RANBP9: variants seen among roughly 807,000 people sequenced by gnomAD.
RANBP9 encodes RAN binding protein 9, also known as ran-binding protein 9.
In RANBP9, 15 loss-of-function variants were observed where a neutral mutation model predicts 84.3. That is an observed-to-expected ratio of 0.18 (90% confidence interval 0.12 to 0.27). The LOEUF (loss-of-function observed/expected upper bound fraction) is 0.27, where lower values mean the gene tolerates loss of function less well. Among genes scored for constraint, RANBP9 ranks in the 10% least tolerant of loss-of-function variants. RANBP9 has a pLI of 1.00. For missense variants in RANBP9, 809 were observed against 912.8 expected (o/e 0.89, Z 1.46); for synonymous variants, 392 against 349.6 (o/e 1.12, Z -1.35).
chr6:13,679,056 T>TAA (rs540561401), intron 2 of RANBP9, among the ~76,000 whole-genome samples: 1 of 150,412 alleles, frequency 6.6e-6, no homozygotes, highest in Non-Finnish European at 1.5e-5. Context: ...CTGCTGTGAT[T>TAA]AAAAAAAAAA....
At chr6:13,703,463 C>T (rs1019480314) in intron 1 of RANBP9, among the ~76,000 whole-genome samples, 2 of 152,200 alleles carry the variant, frequency 1.3e-5, no homozygotes, top group African/African-American at 2.4e-5. Flanking sequence ...ATTGCCCCTA[C>T]CGAAAGAAGT....
Position 13,675,744 on chromosome 6 carries a change from A to AC in RANBP9, c.684-16913_684-16912insG, listed in dbSNP as rs1036185975. 8.1e-4 allele frequency among the ~76,000 whole-genome samples: 123 copies of AC among 151,910 alleles called. No individual in the cohort carries two copies. In the Middle Eastern group the frequency reaches 0.01, roughly 13 times the overall value. On this transcript the variant is annotated intron_variant, in intron 2 of 13. Transcript: ENST00000011619. ...TAGCCAGGATAACCAACAAAAAAAA[A>AC]ACACAAATTATTAATACCAAAATCA...
chr6:13,667,471 A>C, intron 2 of RANBP9, among the ~76,000 whole-genome samples: 1 of 152,110 alleles, frequency 6.6e-6, no homozygotes, highest in Non-Finnish European at 1.5e-5. Flanking sequence ...ACTTTTAAAA[A>C]CCTATTTACA....
intron 2 of RANBP9, among the ~76,000 whole-genome samples, chr6:13,687,301 C>T (rs1766212670): frequency 6.6e-6 from 1 of 152,098 alleles, no homozygotes; most frequent in African/African-American, 2.4e-5. Flanking sequence ...GCAGCTCAAA[C>T]ACTGTTCTCA....
At chr6:13,665,219 G>A (rs1584931113) in intron 2 of RANBP9, among the ~76,000 whole-genome samples, 1 of 152,034 alleles carries the variant, frequency 6.6e-6, no homozygotes. Flanking sequence ...GATTTATTAG[G>A]ACACAAAAAG....
At chr6:13,695,408 T>G (rs1256876732) in intron 2 of RANBP9, among the ~76,000 whole-genome samples, 4 of 150,476 alleles carry the variant, frequency 2.7e-5, no homozygotes, top group African/African-American at 4.9e-5. Flanking sequence ...AATGTTTTTT[T>G]TTTTTTTTTT....
intron 2 of RANBP9, among the ~76,000 whole-genome samples, chr6:13,682,855 T>C (rs1434913073): frequency 6.6e-6 from 1 of 152,200 alleles, no homozygotes; most frequent in African/African-American, 2.4e-5. Flanking sequence ...ATTTGGAAAC[T>C]CTGCAACTCA....
intron 12 of RANBP9, among the ~76,000 whole-genome samples, chr6:13,627,562 G>A (rs983393535): frequency 2.0e-5 from 3 of 149,470 alleles, no homozygotes; most frequent in East Asian, 2.0e-4. Flanking sequence ...CCCAGTAGGC[G>A]GAGGCTGCAG....
intron 2 of RANBP9, among the ~76,000 whole-genome samples, chr6:13,672,866 T>G (rs966448852): frequency 4.0e-5 from 6 of 149,302 alleles, no homozygotes; most frequent in African/African-American, 1.5e-4. Context: ...AAAACAACAA[T>G]CAGTGAGCTT....
intron 2 of RANBP9, among the ~76,000 whole-genome samples, chr6:13,661,099 C>T (rs1437731216): frequency 6.6e-6 from 1 of 152,186 alleles, no homozygotes; most frequent in East Asian, 1.9e-4. Flanking sequence ...GAATAGCCTT[C>T]TCCTCTTGAA....
At position 13,622,180 on chromosome 6, in the gene RANBP9, T is replaced by G. The variant is rs1764469636; in HGVS notation, c.*182A>C. The G allele has an allele frequency of 2.0e-6, 1 of 507,696 alleles. No homozygotes were observed. The highest frequency in any genetic ancestry group is 3.0e-6 in the Non-Finnish European group (1 of 331,542). 31.4% of individuals were successfully genotyped at this position (507,696 alleles called of 1,614,324 possible). Reference sequence around the variant, plus strand: ...TAAGAGGTTAAAGATGGAAAATAATTTCTCCTAACACTAAGTTAGAAAATC... The same window carrying G: ...TAAGAGGTTAAAGATGGAAAATAATGTCTCCTAACACTAAGTTAGAAAATC... On this transcript the variant is annotated 3_prime_UTR_variant, in exon 14 of 14. Transcript: ENST00000011619.
intron 1 of RANBP9, among the ~76,000 whole-genome samples, chr6:13,707,936 AGTT>A (rs1409450344): frequency 1.3e-5 from 2 of 152,338 alleles, no homozygotes; most frequent in East Asian, 1.9e-4. Context: ...GTTTTTCAAT[AGTT>A]GTTGTGTGAC....
At chr6:13,627,272 T>C (rs2127759003) in intron 12 of RANBP9, among the ~76,000 whole-genome samples, 1 of 152,166 alleles carries the variant, frequency 6.6e-6, no homozygotes, top group Non-Finnish European at 1.5e-5. Flanking sequence ...CAACCCACAC[T>C]TCCCAACCCA....
intron 12 of RANBP9, among the ~76,000 whole-genome samples, chr6:13,627,896 G>A (rs1317107190): frequency 6.6e-6 from 1 of 151,976 alleles, no homozygotes; most frequent in Non-Finnish European, 1.5e-5. Flanking sequence ...ACACTGTCTA[G>A]TGCAGCAAAC....
rs778119489 is a variant in RANBP9, at chr6:13,711,120, G to A, written c.386C>T (p.Ala129Val). 1.9e-6 allele frequency: 3 copies of A among 1,548,886 alleles called. No homozygotes were observed. Among genetic ancestry groups the A allele is most frequent in the African/African-American group, 1.4e-5 (1 of 71,944 alleles). ...PTPALVAGSS[A>V]AAPFPHGDSA... The stretch of plus-strand genomic sequence containing the variant: ...GTCCCCGTGAGGGAAGGGGGCCGCG[G>A]CGCTGCTGCCCGCCACCAGAGCTGG... Residue 129 changes from alanine (A) to valine (V), a missense_variant, in exon 1 of 14, where the codon GCC (alanine) becomes GTC (valine). This residue lies in a region of RANBP9 where 302 missense variants were observed against 240.1 expected (regional missense o/e 1.26). Transcript: ENST00000011619.
At chr6:13,644,847 A>T in intron 5 of RANBP9, 118 bp from the exon 6 acceptor site, 1 of 865,252 alleles carries the variant, frequency 1.2e-6, no homozygotes, top group South Asian at 2.8e-5. Context: ...TAAAATCCCA[A>T]TCAAAATATT....
intron 2 of RANBP9, among the ~76,000 whole-genome samples, chr6:13,688,602 C>T (rs1004500881): frequency 6.6e-6 from 1 of 152,060 alleles, no homozygotes; most frequent in African/African-American, 2.4e-5. Context: ...TCTGTCAATC[C>T]TAGGTTCTTA....
chr6:13,623,575 C>G (rs1017230874), intron 13 of RANBP9, among the ~76,000 whole-genome samples: 41 of 152,094 alleles, frequency 2.7e-4, no homozygotes, highest in African/African-American at 9.4e-4. Context: ...CAGGGAAGAC[C>G]GTGCTCAAAG....
Position 13,654,193 on chromosome 6 carries a change from C to A in RANBP9, c.905-1512G>T, listed in dbSNP as rs531374422. On this transcript the variant is annotated intron_variant, in intron 4 of 13. Coordinates refer to ENST00000011619, the MANE Select transcript of RANBP9 (RefSeq NM_005493.3). ...TTTTAACACAGCCAAATATAGTTAC[C>A]ACAACATGTTTTTGCTCAATCAGAC... Among the ~76,000 whole-genome samples, 13 of 152,040 alleles carry A rather than the reference C, an allele frequency of 8.6e-5. No individual in the cohort carries two copies. In the South Asian group the frequency reaches 2.5e-3, roughly 29 times the overall value.
Sources: gnomAD v4.1 joint callset for allele counts (sites outside exome capture counted in the v4.1 genomes callset) on GRCh38, gnomAD v4.1.1 for gene constraint, gnomAD v4.1.1 regional missense constraint, MANE v1.5 for transcripts, NCBI Gene and HGNC (gene_info 2026-07-23, HGNC 2026-07-21) for gene names.